The following APOB variants were observed in gnomAD, a reference collection of about 807,000 sequenced individuals.
The protein encoded by APOB is apolipoprotein B.
In APOB, 153 loss-of-function variants were observed where a neutral mutation model predicts 314.1. The observed-to-expected ratio is 0.49, with a 90% CI of 0.43 to 0.56. The LOEUF (loss-of-function observed/expected upper bound fraction) is 0.56. Ranked by LOEUF, APOB falls within the 20% of genes least tolerant of loss-of-function variation. APOB has a pLI of 0.00. For synonymous variants in APOB, 2,087 were observed against 2,036.4 expected (o/e 1.02, Z -0.67); for missense variants, 5,430 against 5,350.7 (o/e 1.01, Z -0.46).
chr2:21,030,503 A>G (rs1470341705), intron 10 of APOB, among the ~76,000 whole-genome samples: 2 of 152,222 alleles, frequency 1.3e-5, no homozygotes, highest in Non-Finnish European at 2.9e-5. Flanking sequence ...AAAATGCAAG[A>G]AGAAAACCTA....
rs1663248267 is a variant in APOB at position 21,009,579 on chromosome 2, A to T, written c.7289T>A (p.Phe2430Tyr). The change falls in exon 26 of 29, where the codon TTT (phenylalanine) becomes TAT (tyrosine). Residue 2430 changes from phenylalanine (F) to tyrosine (Y), a missense_variant. By Grantham distance (22) the Phe-to-Tyr change is conservative. This residue lies in a region of APOB where 3,281 missense variants were observed against 3,171.0 expected (regional missense o/e 1.03). Coordinates refer to ENST00000233242, the MANE Select transcript of APOB (RefSeq NM_000384.3). ...TTCATCTACAAACTGGTGGTAATCA[A>T]ATGACTTTAATTTCTTTATCAACAT... ...LDMLIKKLKS[F>Y]DYHQFVDETN... is the part of the protein sequence containing the mutation. 3.7e-6 allele frequency: 6 copies of T among 1,614,044 alleles called. No individual in the cohort carries two copies. The highest frequency in any genetic ancestry group is 5.1e-6 in the Non-Finnish European group (6 of 1,179,970).
At position 21,009,713 on chromosome 2, in the gene APOB, C is replaced by T. The variant is rs763218698; in HGVS notation, c.7155G>A (p.Lys2385=). 1.9e-6 allele frequency: 3 copies of T among 1,613,624 alleles called. No homozygotes were observed. Among genetic ancestry groups the T allele is most frequent in the Non-Finnish European group, 2.5e-6 (3 of 1,179,762 alleles). The change falls in exon 26 of 29, where the codon AAG becomes AAA. Residue 2385 remains lysine, a synonymous_variant. Coordinates refer to ENST00000233242, the MANE Select transcript of APOB (RefSeq NM_000384.3). The part of the protein sequence containing the change: ...QKLSNVLQQV[K]IKDYFEKLVG... ...CCAATTTCTCAAAGTAATCTTTTATCTTAACTTGTTGTAGGACATTGCTTA... is the reference window on the plus strand; with the variant it reads ...CCAATTTCTCAAAGTAATCTTTTATTTTAACTTGTTGTAGGACATTGCTTA...
rs773083154 is a variant in APOB, at chr2:21,006,903, T to C, written c.9965A>G (p.Glu3322Gly). ...NLKLSLPDFK[E>G]LCTISHIFIP... ...AAAAATATGGCTTATGGTACACAAT[T>C]CCTTGAAATCTGGAAGAGAAAGCTT... The change falls in exon 26 of 29, where the codon GAA (glutamate) becomes GGA (glycine). Residue 3322 changes from glutamate to glycine, a missense_variant. This residue lies in a region of APOB where 3,281 missense variants were observed against 3,171.0 expected (regional missense o/e 1.03). Coordinates refer to ENST00000233242, the MANE Select transcript of APOB (RefSeq NM_000384.3). 1 of 1,614,100 alleles carries C rather than the reference T, an allele frequency of 6.2e-7. No individual in the cohort carries two copies. Among genetic ancestry groups the C allele is most frequent in the South Asian group, 1.1e-5 (1 of 91,078 alleles).
In APOB at chr2:21,028,329, T is replaced by C. The variant is rs1038269557; in HGVS notation, c.1827A>G (p.Gln609=). Residue 609 remains glutamine, a splice_region_variant and synonymous_variant, in exon 13 of 29, where the codon CAA becomes CAG. Transcript: ENST00000233242. ...TGGGGTGAATAGCTCTTACTTACTC[T>C]TGGATATCCAATTCTTCTGAGTTCA... The part of the protein sequence containing the change: ...NILNSEELDI[Q]DLKKLVKEAL... 14 of 1,612,744 alleles carry C rather than the reference T, an allele frequency of 8.7e-6. No individual in the cohort carries two copies. Among genetic ancestry groups the C allele is most frequent in the Non-Finnish European group, 1.1e-5 (13 of 1,178,688 alleles).
At chr2:21,027,535 G>A (rs575994718) in intron 14 of APOB, among the ~76,000 whole-genome samples, 5 of 152,132 alleles carry the variant, frequency 3.3e-5, no homozygotes, top group Non-Finnish European at 5.9e-5. Context: ...GGATGGTGTC[G>A]ATATCCTGAC....
intron 18 of APOB, among the ~76,000 whole-genome samples, chr2:21,021,210 T>C (rs1663598615): frequency 2.6e-5 from 4 of 152,238 alleles, no homozygotes; most frequent in African/African-American, 7.2e-5. Context: ...CTTATTAAAA[T>C]GAAGGGCGCC....
intron 15 of APOB, 89 bp downstream of exon 15, chr2:21,026,699 G>T: frequency 9.3e-7 from 1 of 1,072,328 alleles, no homozygotes; most frequent in Non-Finnish European, 1.5e-6. Context: ...CAGTTAGATA[G>T]TATTTTGAGG....
Position 21,010,613 on chromosome 2 carries a change from T to G in APOB, c.6255A>C (p.Arg2085=). 6.2e-7 allele frequency: 1 copy of G among 1,614,132 alleles called. No homozygotes were observed. The highest frequency in any genetic ancestry group is 8.5e-7 in the Non-Finnish European group (1 of 1,179,996). The change falls in exon 26 of 29, where the codon CGA becomes CGC. Residue 2085 remains arginine (R), a synonymous_variant. Coordinates refer to ENST00000233242, the MANE Select transcript of APOB (RefSeq NM_000384.3). ...TTTCCAGTACAACTATAATGGTTTG[T>G]CGATTCCTCTCAAAATATTCTTGCA... The part of the protein sequence containing the change: ...ETLQEYFERN[R]QTIIVVLENV...
At chr2:21,043,735 C>T in intron 1 of APOB, 129 bp downstream of exon 1, 1 of 1,512,872 alleles carries the variant, frequency 6.6e-7, no homozygotes, top group Non-Finnish European at 8.9e-7. Context: ...CCAGCTGGTC[C>T]AATCCCCCCA....
chr2:21,002,575 C>T lies in APOB; in HGVS notation c.12847G>A (p.Val4283Ile), dbSNP rs758259925. ...LKDLSKEAQE[V>I]FKAIQSLKTT... ...TTGAGAGACTGAATGGCTTTAAATA[C>T]CTCTTGGGCTTCTTTTGATAAATCT... Residue 4283 changes from valine (V) to isoleucine (I), a missense_variant, in exon 29 of 29, where the codon GTA (valine) becomes ATA (isoleucine). Around this residue, in one of 3 missense-constraint regions of APOB, gnomAD observed 3,281 missense variants for 3,171.0 expected, o/e 1.03. Coordinates refer to ENST00000233242, the MANE Select transcript of APOB (RefSeq NM_000384.3). 6.2e-7 allele frequency: 1 copy of T among 1,613,990 alleles called. No individual in the cohort carries two copies. Among genetic ancestry groups the T allele is most frequent in the Non-Finnish European group, 8.5e-7 (1 of 1,179,934 alleles).
At chr2:21,037,035 T>A in intron 6 of APOB, 65 bp downstream of exon 6, 1 of 1,605,194 alleles carries the variant, frequency 6.2e-7, no homozygotes, top group Non-Finnish European at 8.5e-7. Flanking sequence ...AGCTCAAAAG[T>A]TCTGGAATTG....
In APOB at chr2:21,026,961, C is replaced by T; in HGVS notation, c.2071G>A (p.Gly691Ser). The T allele has an allele frequency of 1.2e-6, 2 of 1,614,092 alleles. No homozygotes were observed. The highest frequency in any genetic ancestry group is 8.5e-7 in the Non-Finnish European group (1 of 1,180,012). ...GFASADLIEI[G>S]LEGKGFEPTL... ...GGCTCAAAGCCTTTTCCTTCCAAGC[C>T]AATCTGAGAAAGAAAATCAGACAAG... Residue 691 changes from glycine (G) to serine (S), a missense_variant, in exon 15 of 29, where the codon GGC (glycine) becomes AGC (serine). Gly to Ser is a moderately conservative substitution (Grantham distance 56). Transcript: ENST00000233242.
rs756281873 is a variant in APOB at position 21,002,002 on chromosome 2, G to C, written c.13420C>G (p.Gln4474Glu). The change falls in exon 29 of 29, where the codon CAG becomes GAG. Residue 4474 changes from glutamine to glutamate, a missense_variant. Transcript: ENST00000233242. ...EKIAELSATA[Q>E]EIIKSQAIAT... is the part of the protein sequence containing the mutation. The stretch of plus-strand genomic sequence containing the variant: ...ATGGCCTGGCTTTTAATTATTTCCT[G>C]AGCAGTGGCAGAAAGCTCTGCAATC... 4 of 1,613,786 alleles carry C rather than the reference G, an allele frequency of 2.5e-6. No homozygotes were observed. In the Admixed American group the frequency reaches 6.7e-5, roughly 27 times the overall value.
rs886055590 is a variant in APOB at position 21,014,495 on chromosome 2, G to C, written c.3795C>G (p.Asn1265Lys). The change falls in exon 24 of 29, where the codon AAC (asparagine) becomes AAG (lysine). Residue 1265 changes from asparagine to lysine, a missense_variant. Transcript: ENST00000233242. ...LNSLKEFNLQ[N>K]MGLPDFHIPE... ...GGATGTGGAAGTCTGGCAATCCCAT[G>C]TTCTGGAGGTTGAACTCCTTCAGGC... 7 of 1,614,018 alleles carry C rather than the reference G, an allele frequency of 4.3e-6. No individual in the cohort carries two copies. Among genetic ancestry groups the C allele is most frequent in the Non-Finnish European group, 5.9e-6 (7 of 1,180,024 alleles).
chr2:21,033,448 A>C lies in APOB; in HGVS notation c.975T>G (p.Val325=). The C allele has an allele frequency of 6.2e-7, 1 of 1,614,176 alleles. No homozygotes were observed. The highest frequency in any genetic ancestry group is 8.5e-7 in the Non-Finnish European group (1 of 1,180,032). The change falls in exon 9 of 29, where the codon GTT becomes GTG. Residue 325 remains valine (V), a synonymous_variant. Coordinates refer to ENST00000233242, the MANE Select transcript of APOB (RefSeq NM_000384.3). ...TTTTCAGTTCCTGGAGAGTCTTCAA[A>C]ACAGCTTCGGCCTGCTTTGGAGGTG... is the stretch of plus-strand genomic sequence containing the variant. ...STSPPKQAEA[V]LKTLQELKKL...
chr2:21,016,764 C>G, intron 20 of APOB, 115 bp from the exon 21 acceptor site: 1 of 733,876 alleles, frequency 1.4e-6, no homozygotes, highest in East Asian at 2.6e-5. Flanking sequence ...GCGGGCAGAT[C>G]ATGAGGTCAG....
intron 2 of APOB, among the ~76,000 whole-genome samples, chr2:21,043,279 C>T (rs1664176909): frequency 6.6e-6 from 1 of 152,210 alleles, no homozygotes; most frequent in South Asian, 2.1e-4. Context: ...GAGACAATCC[C>T]TTCCCTCCCC....
chr2:21,016,211 T>A lies in APOB; in HGVS notation c.3332+228A>T, dbSNP rs12720802. 9.0e-3 allele frequency among the ~76,000 whole-genome samples: 1,367 copies of A among 151,786 alleles called. 27 individuals carry two copies. Among genetic ancestry groups the A allele is most frequent in the African/African-American group, 0.032 (1,317 of 41,408 alleles). On this transcript the variant is annotated intron_variant, in intron 21 of 28. Coordinates refer to ENST00000233242, the MANE Select transcript of APOB (RefSeq NM_000384.3). ...GCTTAAGCAGGAGAATCACTTGAAC[T>A]CGGGAGGCGGAGGTTGCAGTGAGCC...
Position 21,023,708 on chromosome 2 carries a change from G to A in APOB, c.2437-16C>T. On this transcript the variant is annotated splice_polypyrimidine_tract_variant and intron_variant, in intron 16 of 28. Transcript: ENST00000233242. ...CCTCTCCAATCTGTAGACCCAACAA[G>A]GGAGAGCAAATAAAAGTAAGTCTTT... The A allele has an allele frequency of 6.3e-7, 1 of 1,577,550 alleles. No homozygotes were observed. The highest frequency in any genetic ancestry group is 8.6e-7 in the Non-Finnish European group (1 of 1,160,630).
Sources: gnomAD v4.1 joint callset for allele counts (sites outside exome capture counted in the v4.1 genomes callset) on GRCh38, gnomAD v4.1.1 for gene constraint, gnomAD v4.1.1 regional missense constraint, MANE v1.5 for transcripts, NCBI Gene and HGNC (gene_info 2026-07-23, HGNC 2026-07-21) for gene names.